MBD5: variants seen among roughly 807,000 people sequenced by gnomAD.
The protein encoded by MBD5 is methyl-CpG-binding domain protein 5.
MBD5 carries 13 observed loss-of-function variants against 117.3 expected under a neutral mutation model. The observed-to-expected ratio is 0.11, with a 90% confidence interval of 0.07 to 0.18. The LOEUF is 0.18. Ranked by LOEUF, MBD5 falls within the 10% of genes least tolerant of loss-of-function variation. MBD5 has a pLI of 1.00. For missense variants in MBD5, 1,879 were observed against 2,093.8 expected (o/e 0.90, Z 2.00); for synonymous variants, 727 against 766.4 (o/e 0.95, Z 0.85).
intron 1 of MBD5, chr2:148,068,655 A>G (rs1199346140): frequency 6.6e-6 from 1 of 152,166 alleles, no homozygotes; most frequent in Non-Finnish European, 1.5e-5. Flanking sequence ...CATTCATCAA[A>G]TATTCTCCTG....
At chr2:148,174,656 C>A (rs1698339475) in intron 1 of MBD5, among the ~76,000 whole-genome samples, 1 of 151,538 alleles carries the variant, frequency 6.6e-6, no homozygotes, top group Non-Finnish European at 1.5e-5. Context: ...ATATACATTT[C>A]TCAAAAAAAG....
At chr2:148,421,258 G>A (rs1240438568) in intron 4 of MBD5, among the ~76,000 whole-genome samples, 2 of 152,162 alleles carry the variant, frequency 1.3e-5, no homozygotes, top group African/African-American at 2.4e-5. Flanking sequence ...TGGACAGTGG[G>A]TGCAGCCCAT....
chr2:148,482,980 C>A, intron 8 of MBD5, 130 bp from the exon 9 acceptor site: 3 of 960,970 alleles, frequency 3.1e-6, no homozygotes, highest in South Asian at 1.6e-5. Flanking sequence ...TACAATTAAT[C>A]TAGTTACAAT....
chr2:148,211,951 G>A (rs1381751271), intron 2 of MBD5, among the ~76,000 whole-genome samples: 3 of 152,046 alleles, frequency 2.0e-5, no homozygotes, highest in Non-Finnish European at 4.4e-5. Flanking sequence ...GTCTTACTAT[G>A]TTGCTCAGGC....
At chr2:148,275,332 G>T (rs912358089) in intron 3 of MBD5, among the ~76,000 whole-genome samples, 1 of 151,766 alleles carries the variant, frequency 6.6e-6, no homozygotes, top group Non-Finnish European at 1.5e-5. Context: ...TTTTATTATT[G>T]GACTCCTGGA....
intron 1 of MBD5, among the ~76,000 whole-genome samples, chr2:148,087,858 C>T (rs989696554): frequency 6.6e-6 from 1 of 152,062 alleles, no homozygotes; most frequent in Non-Finnish European, 1.5e-5. Context: ...TGGATCCAAA[C>T]CAAGAAGAAA....
At chr2:148,424,241 C>A (rs542125061) in intron 4 of MBD5, among the ~76,000 whole-genome samples, 3 of 136,154 alleles carry the variant, frequency 2.2e-5, no homozygotes, top group Non-Finnish European at 3.1e-5. Context: ...ATCCTAGTCT[C>A]TGATAAAACA....
intron 3 of MBD5, among the ~76,000 whole-genome samples, chr2:148,325,276 A>G (rs370053876): frequency 5.3e-5 from 8 of 152,072 alleles, no homozygotes; most frequent in East Asian, 1.9e-4. Context: ...TGTTCATCAA[A>G]GATATTGGTC....
rs1699343648 is a variant in MBD5, at chr2:148,208,633, T to C, written c.-830-24612T>C. ...AAACAATTTTGTGATCTTGCTGCCTTTTTCATTTTTGGTTATCTGTTCTTT... is the reference window on the plus strand; with the variant it reads ...AAACAATTTTGTGATCTTGCTGCCTCTTTCATTTTTGGTTATCTGTTCTTT... On this transcript the variant is annotated intron_variant, in intron 2 of 13. Coordinates refer to ENST00000642680, the MANE Select transcript of MBD5 (RefSeq NM_001378120.1). 2.1e-5 allele frequency among the ~76,000 whole-genome samples: 3 copies of C among 145,762 alleles called. No homozygotes were observed. In the South Asian group the frequency reaches 6.9e-4, roughly 34 times the overall value.
At chr2:148,141,897 G>A (rs935707537) in intron 1 of MBD5, among the ~76,000 whole-genome samples, 2 of 152,018 alleles carry the variant, frequency 1.3e-5, no homozygotes, top group African/African-American at 4.8e-5. Context: ...GATCTCTTGA[G>A]CCTAGGAATT....
intron 1 of MBD5, among the ~76,000 whole-genome samples, chr2:148,086,350 A>G (rs1695791755): frequency 6.6e-6 from 1 of 152,138 alleles, no homozygotes; most frequent in South Asian, 2.1e-4. Flanking sequence ...AAGAGACAAT[A>G]CAGTCAACCT....
intron 11 of MBD5, among the ~76,000 whole-genome samples, chr2:148,499,425 C>T (rs1016221191): frequency 6.6e-6 from 1 of 152,104 alleles, no homozygotes; most frequent in African/African-American, 2.4e-5. Flanking sequence ...ACCATGATGG[C>T]CAGTACTATT....
intron 4 of MBD5, among the ~76,000 whole-genome samples, chr2:148,432,364 A>C (rs1028523243): frequency 6.6e-6 from 1 of 152,092 alleles, no homozygotes; most frequent in African/African-American, 2.4e-5. Flanking sequence ...GAAGCTCGTT[A>C]GTTTAATTAG....
intron 8 of MBD5, among the ~76,000 whole-genome samples, chr2:148,477,937 A>G (rs1026596482): frequency 6.6e-6 from 1 of 152,172 alleles, no homozygotes; most frequent in East Asian, 1.9e-4. Context: ...GCTAAACAAA[A>G]TGGTATAAGG....
At chr2:148,161,156 A>T (rs1697998471) in intron 1 of MBD5, among the ~76,000 whole-genome samples, 1 of 152,052 alleles carries the variant, frequency 6.6e-6, no homozygotes, top group Non-Finnish European at 1.5e-5. Flanking sequence ...AGAAATTACT[A>T]CTCTTTAATA....
At chr2:148,449,761 G>A (rs2105472776) in intron 4 of MBD5, among the ~76,000 whole-genome samples, 1 of 152,024 alleles carries the variant, frequency 6.6e-6, no homozygotes, top group South Asian at 2.1e-4. Context: ...GCATATTACT[G>A]GGCATGAAGC....
intron 1 of MBD5, among the ~76,000 whole-genome samples, chr2:148,079,850 C>T (rs1377492955): frequency 7.4e-6 from 1 of 135,168 alleles, no homozygotes; most frequent in African/African-American, 3.0e-5. Flanking sequence ...GAGGGAGACT[C>T]TGTCTAAAAC....
chr2:148,397,454 C>A (rs974982261), intron 4 of MBD5, among the ~76,000 whole-genome samples: 73 of 151,746 alleles, frequency 4.8e-4, no homozygotes, highest in Non-Finnish European at 7.4e-5. Flanking sequence ...CTCAGCCTCC[C>A]GAGTAGCTGG....
intron 4 of MBD5, chr2:148,347,654 G>T (rs1170869998): frequency 6.6e-6 from 1 of 151,500 alleles, no homozygotes; most frequent in African/African-American, 2.4e-5. Context: ...CAGTGCCTAG[G>T]GTTCACAAAA....
Sources: gnomAD v4.1 joint callset for allele counts (sites outside exome capture counted in the v4.1 genomes callset) on GRCh38, gnomAD v4.1.1 for gene constraint, MANE v1.5 for transcripts, NCBI Gene and HGNC (gene_info 2026-07-23, HGNC 2026-07-21) for gene names.